Variants in KCNIP4 observed in about 807,000 individuals in gnomAD.
KCNIP4 encodes the protein Kv channel-interacting protein 4.
In KCNIP4, 12 loss-of-function variants were observed where a neutral mutation model predicts 34.0. The observed-to-expected ratio is 0.35, with a 90% confidence interval of 0.23 to 0.57. The LOEUF (loss-of-function observed/expected upper bound fraction) is 0.57, where lower values mean the gene tolerates loss of function less well. Among genes scored for constraint, KCNIP4 ranks in the 20% least tolerant of loss-of-function variants. The probability of loss-of-function intolerance (pLI) is 0.83; values close to 1 mark genes in which losing one functional copy is unlikely to be tolerated. For synonymous variants in KCNIP4, 124 were observed against 102.2 expected, an observed-to-expected ratio of 1.21 and a Z score of -1.29; for missense variants, 238 against 311.7, an observed-to-expected ratio of 0.76 and a Z score of 1.78.
chr4:21,773,931 A>G (rs1413342644), intron 1 of KCNIP4, among the ~76,000 whole-genome samples: 2 of 151,878 alleles, frequency 1.3e-5, no homozygotes, highest in African/African-American at 2.4e-5. Context: ...CATTTAGCCC[A>G]TTTACATTTA....
intron 1 of KCNIP4, among the ~76,000 whole-genome samples, chr4:21,642,403 T>G (rs979862840): frequency 6.6e-6 from 1 of 152,102 alleles, no homozygotes; most frequent in African/African-American, 2.4e-5. Context: ...TTTTGAAGAC[T>G]CGGTTACAGT....
intron 1 of KCNIP4, among the ~76,000 whole-genome samples, chr4:21,208,285 G>A (rs978424517): frequency 1.3e-5 from 2 of 152,014 alleles, no homozygotes; most frequent in Non-Finnish European, 2.9e-5. Flanking sequence ...CCACAGTTTC[G>A]TAATTGGCCT....
intron 1 of KCNIP4, among the ~76,000 whole-genome samples, chr4:21,532,966 A>C (rs1160715528): frequency 2.6e-5 from 4 of 151,274 alleles, no homozygotes; most frequent in African/African-American, 4.9e-5. Flanking sequence ...TAATTAATTA[A>C]AGAGAAAATA....
intron 1 of KCNIP4, among the ~76,000 whole-genome samples, chr4:21,172,809 A>G (rs1435712936): frequency 6.6e-6 from 1 of 152,180 alleles, no homozygotes; most frequent in Non-Finnish European, 1.5e-5. Flanking sequence ...TCTATAAGTC[A>G]ATCAGGCTTC....
At chr4:21,834,845 G>A (rs1377234946) in intron 1 of KCNIP4, among the ~76,000 whole-genome samples, 1 of 152,184 alleles carries the variant, frequency 6.6e-6, no homozygotes, top group Non-Finnish European at 1.5e-5. Context: ...CAACTATTGA[G>A]ATAATCATGT....
intron 1 of KCNIP4, among the ~76,000 whole-genome samples, chr4:21,864,226 A>T (rs1725280321): frequency 6.6e-6 from 1 of 152,208 alleles, no homozygotes; most frequent in Non-Finnish European, 1.5e-5. Flanking sequence ...GTTAATTTCC[A>T]TGGATAATAC....
intron 1 of KCNIP4, among the ~76,000 whole-genome samples, chr4:21,335,440 C>T (rs968032771): frequency 5.3e-5 from 8 of 152,036 alleles, no homozygotes; most frequent in African/African-American, 1.4e-4. Context: ...AATATGATAC[C>T]GAAAGCATTT....
At chr4:21,759,910 C>T (rs909936402) in intron 1 of KCNIP4, among the ~76,000 whole-genome samples, 3 of 151,952 alleles carry the variant, frequency 2.0e-5, no homozygotes, top group Admixed American at 2.0e-4. Context: ...ATTTAATATA[C>T]TGCTCCTTTA....
intron 1 of KCNIP4, among the ~76,000 whole-genome samples, chr4:21,052,442 C>A (rs1743015085): frequency 6.6e-6 from 1 of 152,008 alleles, no homozygotes; most frequent in Non-Finnish European, 1.5e-5. Flanking sequence ...GAGCTCCTGC[C>A]CCACTGAATT....
At position 21,536,339 on chromosome 4, in the gene KCNIP4, T is replaced by C. The variant is rs182759344; in HGVS notation, c.61+412232A>G. 1.6e-3 allele frequency among the ~76,000 whole-genome samples: 245 copies of C among 152,338 alleles called. 1 individual carries two copies. The highest frequency in any genetic ancestry group is 5.7e-3 in the African/African-American group (238 of 41,584). On this transcript the variant is annotated intron_variant, in intron 1 of 8. Transcript: ENST00000382152. The stretch of plus-strand genomic sequence containing the variant: ...CTCCTTCAGTGTTGCATAGTTGCAT[T>C]TACTAATTCTGCTTTCTTAGTATTT...
chr4:20,968,590 T>C (rs1417919831), intron 1 of KCNIP4, among the ~76,000 whole-genome samples: 1 of 152,044 alleles, frequency 6.6e-6, no homozygotes, highest in African/African-American at 2.4e-5. Context: ...TGGAATACTA[T>C]GCAGCCATAA....
At chr4:21,100,212 G>A (rs910796915) in intron 1 of KCNIP4, among the ~76,000 whole-genome samples, 2 of 152,140 alleles carry the variant, frequency 1.3e-5, no homozygotes, top group Non-Finnish European at 2.9e-5. Context: ...AATCTTTTGG[G>A]AAAGAGTCAG....
At chr4:20,977,848 T>C (rs952800754) in intron 1 of KCNIP4, among the ~76,000 whole-genome samples, 1 of 152,188 alleles carries the variant, frequency 6.6e-6, no homozygotes, top group Non-Finnish European at 1.5e-5. Flanking sequence ...TTCCCCAAAA[T>C]CTTCTAGATG....
At chr4:21,212,476 G>C (rs1039785742) in intron 1 of KCNIP4, among the ~76,000 whole-genome samples, 1 of 152,130 alleles carries the variant, frequency 6.6e-6, no homozygotes, top group Non-Finnish European at 1.5e-5. Flanking sequence ...TTATCAAGAG[G>C]GCTTCGTCAG....
intron 1 of KCNIP4, among the ~76,000 whole-genome samples, chr4:21,818,466 T>G (rs1405170027): frequency 4.6e-5 from 7 of 152,234 alleles, no homozygotes; most frequent in Admixed American, 3.3e-4. Flanking sequence ...TGAAAACCCC[T>G]GATACATATA....
At position 21,592,193 on chromosome 4, in the gene KCNIP4, A is replaced by G. The variant is rs114114204; in HGVS notation, c.61+356378T>C. On this transcript the variant is annotated intron_variant, in intron 1 of 8. Transcript: ENST00000382152. Reference sequence around the variant, plus strand: ...GAAAAAGGAAGGGAAAAATCAGCAAAGAGATAACATCTGTTTTTTTGTGAA... The same window carrying G: ...GAAAAAGGAAGGGAAAAATCAGCAAGGAGATAACATCTGTTTTTTTGTGAA... Among the ~76,000 whole-genome samples the G allele has an allele frequency of 8.8e-3, 1,338 of 152,190 alleles. 19 individuals are homozygous for G. The highest frequency in any genetic ancestry group is 0.03 in the African/African-American group (1,253 of 41,552).
chr4:21,534,523 A>G (rs1391249560), intron 1 of KCNIP4, among the ~76,000 whole-genome samples: 1 of 152,176 alleles, frequency 6.6e-6, no homozygotes, highest in Admixed American at 6.5e-5. Context: ...GATAGTGCCC[A>G]TATTGAAAAC....
intron 1 of KCNIP4, among the ~76,000 whole-genome samples, chr4:21,065,955 C>T (rs1461597580): frequency 6.6e-6 from 1 of 151,724 alleles, no homozygotes; most frequent in African/African-American, 2.4e-5. Context: ...CCAAGATACT[C>T]ACTTGTAAAA....
chr4:21,854,595 T>G (rs1724632562), intron 1 of KCNIP4, among the ~76,000 whole-genome samples: 1 of 152,190 alleles, frequency 6.6e-6, no homozygotes, highest in South Asian at 2.1e-4. Context: ...CTACCAGACT[T>G]TGATAATTGT....
Sources: gnomAD v4.1 joint callset for allele counts (sites outside exome capture counted in the v4.1 genomes callset) on GRCh38, gnomAD v4.1.1 for gene constraint, MANE v1.5 for transcripts, NCBI Gene and HGNC (gene_info 2026-07-23, HGNC 2026-07-21) for gene names.